NPL: variants seen among roughly 807,000 people sequenced by gnomAD.
NPL encodes the protein N-acetylneuraminate lyase.
In NPL, 32 loss-of-function variants were observed where a neutral mutation model predicts 41.1. The observed-to-expected ratio is 0.78, with a 90% CI of 0.59 to 1.05. The LOEUF (loss-of-function observed/expected upper bound fraction) is 1.05, where lower values mean the gene tolerates loss of function less well. Among genes scored for constraint, NPL ranks in the 50% least tolerant of loss-of-function variants. NPL has a pLI of 0.00. For synonymous variants in NPL, 128 were observed against 134.9 expected, an observed-to-expected ratio of 0.95 and a Z score of 0.35; for missense variants, 321 against 378.4, an observed-to-expected ratio of 0.85 and a Z score of 1.26.
chr1:182,801,983 CATTATAT>C (rs1389215697), intron 3 of NPL, among the ~76,000 whole-genome samples: 3 of 152,238 alleles, frequency 2.0e-5, no homozygotes, highest in Non-Finnish European at 1.5e-5. Flanking sequence ...TCATAACCTT[CATTATAT>C]TTTGCTATTT....
intron 3 of NPL, among the ~76,000 whole-genome samples, chr1:182,796,689 C>G (rs893996081): frequency 6.6e-6 from 1 of 152,060 alleles, no homozygotes; most frequent in Non-Finnish European, 1.5e-5. Flanking sequence ...GTCCTGGATC[C>G]CAAGCTTTGC....
intron 9 of NPL, 38 bp from the exon 10 acceptor site, chr1:182,818,775 C>CT (rs1408693863): frequency 3.1e-6 from 5 of 1,613,788 alleles, no homozygotes; most frequent in Non-Finnish European, 3.4e-6. Context: ...TTCTCTTTCT[C>CT]TTTTTTATAC....
intron 6 of NPL, among the ~76,000 whole-genome samples, chr1:182,814,302 A>G (rs536548209): frequency 7.2e-5 from 11 of 152,366 alleles, no homozygotes; most frequent in African/African-American, 2.6e-4. Context: ...GAGGAATTTG[A>G]GAAAATATCA....
intron 12 of NPL, chr1:182,826,709 G>T (rs1667639487): frequency 6.6e-6 from 1 of 152,128 alleles, no homozygotes; most frequent in South Asian, 2.1e-4. Context: ...AAAATTGTGG[G>T]TTTGGTGTGA....
intron 11 of NPL, among the ~76,000 whole-genome samples, chr1:182,824,359 T>C (rs978249064): frequency 5.3e-5 from 8 of 152,248 alleles, no homozygotes; most frequent in Admixed American, 1.3e-4. Flanking sequence ...GGGTAGAACA[T>C]ATATGTTTGT....
chr1:182,824,582 G>C (rs780473383), intron 11 of NPL, among the ~76,000 whole-genome samples: 2 of 152,148 alleles, frequency 1.3e-5, no homozygotes, highest in Non-Finnish European at 2.9e-5. Flanking sequence ...CGGATCATGA[G>C]GTCAGGAGAT....
chr1:182,818,760 ATCTCT>A (rs1557951227), intron 9 of NPL, 48 bp from the exon 10 acceptor site: 1 of 1,613,538 alleles, frequency 6.2e-7, no homozygotes, highest in East Asian at 2.2e-5. Context: ...ATATAGTAGC[ATCTCT>A]TCTCTTTCTC....
intron 5 of NPL, among the ~76,000 whole-genome samples, chr1:182,809,602 A>T (rs1307904822): frequency 6.6e-6 from 1 of 151,872 alleles, no homozygotes; most frequent in African/African-American, 2.4e-5. Context: ...AGCCCCACAC[A>T]CAGGTGGAGA....
At chr1:182,814,712 C>A in intron 6 of NPL, 71 bp from the exon 7 acceptor site, 2 of 1,243,992 alleles carry the variant, frequency 1.6e-6, no homozygotes, top group South Asian at 1.2e-5. Flanking sequence ...TGTTACTGAT[C>A]TTAGTATCTA....
intron 6 of NPL, among the ~76,000 whole-genome samples, chr1:182,813,113 A>G (rs1263567136): frequency 6.6e-6 from 1 of 151,068 alleles, no homozygotes. Context: ...AGATCGTGTC[A>G]CTGCACTCCA....
At chr1:182,824,121 CAA>C (rs145387458) in intron 11 of NPL, among the ~76,000 whole-genome samples, 2,791 of 152,234 alleles carry the variant, frequency 0.018, 84 homozygotes, top group African/African-American at 0.065. Flanking sequence ...TACACATGTA[CAA>C]AGATATTCCT....
chr1:182,803,369 A>G (rs1159274208), intron 3 of NPL, among the ~76,000 whole-genome samples: 1 of 152,220 alleles, frequency 6.6e-6, no homozygotes, highest in Non-Finnish European at 1.5e-5. Context: ...GTGTGGCCAT[A>G]TGGACTTTAA....
intron 4 of NPL, 113 bp downstream of exon 4, chr1:182,803,884 G>A (rs915940061): frequency 4.8e-6 from 4 of 830,006 alleles, no homozygotes; most frequent in Non-Finnish European, 8.4e-6. Context: ...AGGTTATGAT[G>A]GAGCCTGGCT....
At chr1:182,813,375 C>T (rs1667234689) in intron 6 of NPL, among the ~76,000 whole-genome samples, 1 of 152,074 alleles carries the variant, frequency 6.6e-6, no homozygotes, top group African/African-American at 2.4e-5. Flanking sequence ...AAAATTGCAA[C>T]TTAGTGCTTT....
chr1:182,796,750 C>G (rs76927013), intron 3 of NPL, among the ~76,000 whole-genome samples: 1 of 151,914 alleles, frequency 6.6e-6, no homozygotes, highest in Admixed American at 6.6e-5. Flanking sequence ...TTTGAGAGCT[C>G]TCTCGGCCGG....
intron 3 of NPL, among the ~76,000 whole-genome samples, chr1:182,798,853 GC>G (rs1347404622): frequency 6.6e-6 from 1 of 152,232 alleles, no homozygotes; most frequent in East Asian, 1.9e-4. Flanking sequence ...GTTAGTCCCT[GC>G]CTGCCTCCCT....
intron 3 of NPL, among the ~76,000 whole-genome samples, chr1:182,799,781 G>T (rs908180431): frequency 7.0e-6 from 1 of 143,136 alleles, no homozygotes. Flanking sequence ...TAAACCCAAC[G>T]CAAAGAATCT....
intron 6 of NPL, among the ~76,000 whole-genome samples, chr1:182,813,017 G>A (rs956686957): frequency 3.9e-5 from 6 of 152,012 alleles, no homozygotes; most frequent in African/African-American, 1.2e-4. Context: ...GCCAGGCATG[G>A]TGGTGGGCGC....
intron 3 of NPL, among the ~76,000 whole-genome samples, chr1:182,794,669 A>G (rs1286379099): frequency 6.6e-6 from 1 of 152,230 alleles, no homozygotes; most frequent in Non-Finnish European, 1.5e-5. Context: ...GAAAGGGAGA[A>G]GGTGAGAAAT....
Sources: gnomAD v4.1 joint callset for allele counts (sites outside exome capture counted in the v4.1 genomes callset) on GRCh38, gnomAD v4.1.1 for gene constraint, MANE v1.5 for transcripts, NCBI Gene and HGNC (gene_info 2026-07-23, HGNC 2026-07-21) for gene names.